Variants in BEAN1 observed in about 807,000 individuals in gnomAD.
BEAN1 encodes the protein protein BEAN1.
In BEAN1, 17 loss-of-function variants were observed where a neutral mutation model predicts 17.7. That is an observed-to-expected ratio of 0.96 (90% CI 0.66 to 1.44). The LOEUF is 1.44. BEAN1 is among the 40% of genes most tolerant of loss of function. The pLI is 0.00. For missense variants in BEAN1, 359 were observed against 374.1 expected (o/e 0.96, Z 0.33); for synonymous variants, 142 against 151.8 (o/e 0.94, Z 0.47).
chr16:66,437,455 C>T (rs1361079314), intron 1 of BEAN1, 140 bp from the exon 2 acceptor site: 2 of 585,520 alleles, frequency 3.4e-6, no homozygotes, highest in Non-Finnish European at 6.0e-6. Flanking sequence ...AGCCCCTTGC[C>T]CAGACTAGGC....
intron 3 of BEAN1, chr16:66,475,993 C>A (rs959301904): frequency 6.6e-6 from 1 of 151,914 alleles, no homozygotes; most frequent in Non-Finnish European, 1.5e-5. Context: ...GCCTGTAGTC[C>A]CAGCTACTCG....
At chr16:66,439,050 C>G (rs554311474) in intron 2 of BEAN1, among the ~76,000 whole-genome samples, 31 of 152,116 alleles carry the variant, frequency 2.0e-4, no homozygotes, top group Non-Finnish European at 3.5e-4. Context: ...AAAGTCGAAG[C>G]CTTATTGTTA....
chr16:66,465,317 A>C (rs1354703470), intron 2 of BEAN1, among the ~76,000 whole-genome samples: 1 of 152,008 alleles, frequency 6.6e-6, no homozygotes, highest in Non-Finnish European at 1.5e-5. Flanking sequence ...GGATTTTTGC[A>C]CCTATATTCC....
At chr16:66,445,320 CA>C (rs1458888946) in intron 2 of BEAN1, among the ~76,000 whole-genome samples, 7 of 151,292 alleles carry the variant, frequency 4.6e-5, no homozygotes, top group African/African-American at 1.7e-4. Flanking sequence ...ACTAAAAATA[CA>C]AAAAATTAGC....
Position 66,477,730 on chromosome 16 carries a change from A to G in BEAN1, c.440+20A>G, listed in dbSNP as rs1963812274. 1 of 1,527,930 alleles carries G rather than the reference A, an allele frequency of 6.5e-7. No homozygotes were observed. The highest frequency in any genetic ancestry group is 2.1e-5 in the Admixed American group (1 of 47,578). 94.6% of individuals were successfully genotyped at this position (1,527,930 alleles called of 1,614,324 possible). A position where few individuals can be genotyped will look rare whatever the true frequency, so the allele number is the denominator to read the frequency against. ...ACCAGGGTAAGGAGGCCTCATGGGG[A>G]AGGGGGCATCAGAGGATGGGGCCCT... is the stretch of plus-strand genomic sequence containing the variant. On this transcript the variant is annotated intron_variant, in intron 4 of 4. Transcript: ENST00000536005.
At chr16:66,435,514 G>T (rs936112209) in intron 1 of BEAN1, among the ~76,000 whole-genome samples, 3 of 152,156 alleles carry the variant, frequency 2.0e-5, no homozygotes, top group African/African-American at 7.2e-5. Flanking sequence ...TTGAGATAAA[G>T]TCTCACTCTG....
At position 66,442,662 on chromosome 16, in the gene BEAN1, A is replaced by AG. The variant is rs112575133; in HGVS notation, c.25+4962dup. 7.6e-3 allele frequency among the ~76,000 whole-genome samples: 1,162 copies of AG among 152,340 alleles called. 14 individuals are homozygous for AG. Among genetic ancestry groups the AG allele is most frequent in the African/African-American group, 0.024 (1,013 of 41,572 alleles). On this transcript the variant is annotated intron_variant, in intron 2 of 4. Transcript: ENST00000536005. ...CTGCTTCTTATCAGCTGGGGCAAGC[A>AG]GCCTAATTTCTAAAAACCTCAATTT...
chr16:66,479,921 T>C (rs1963920025), intron 4 of BEAN1, among the ~76,000 whole-genome samples: 1 of 152,078 alleles, frequency 6.6e-6, no homozygotes, highest in Admixed American at 6.5e-5. Flanking sequence ...TCTGGAGGGC[T>C]TTTGTTCCTC....
At chr16:66,454,493 T>G (rs1962791563) in intron 2 of BEAN1, among the ~76,000 whole-genome samples, 1 of 152,204 alleles carries the variant, frequency 6.6e-6, no homozygotes, top group Admixed American at 6.5e-5. Context: ...TCTTTGTCTC[T>G]AGAAATATAT....
intron 1 of BEAN1, among the ~76,000 whole-genome samples, chr16:66,431,097 T>C (rs1224119843): frequency 1.3e-5 from 2 of 152,210 alleles, no homozygotes; most frequent in Non-Finnish European, 2.9e-5. Flanking sequence ...GTGAGTTCAA[T>C]GACAAGTAAA....
intron 1 of BEAN1, among the ~76,000 whole-genome samples, chr16:66,431,432 A>G (rs1403943882): frequency 1.3e-5 from 2 of 152,220 alleles, no homozygotes; most frequent in African/African-American, 2.4e-5. Flanking sequence ...AAAGTCATAC[A>G]TGTTCATTGT....
Position 66,473,116 on chromosome 16 carries a change from A to G in BEAN1, c.289+3251A>G, listed in dbSNP as rs1307140143. Among the ~76,000 whole-genome samples, 1 of 152,218 alleles carries G rather than the reference A, an allele frequency of 6.6e-6. No homozygotes were observed. The highest frequency in any genetic ancestry group is 1.5e-5 in the Non-Finnish European group (1 of 68,048). ...GGAGTGCACGCTAGGCGCCCACAGT[A>G]GTTCCCAAGCTGAGAGGGCTGAGGG... On this transcript the variant is annotated intron_variant, in intron 3 of 4. Transcript: ENST00000536005. The surrounding 1 kb of genome is among the most constrained non-coding windows in gnomAD (Gnocchi z 4.5).
intron 3 of BEAN1, among the ~76,000 whole-genome samples, chr16:66,474,104 C>T (rs985825381): frequency 2.0e-5 from 3 of 152,156 alleles, no homozygotes; most frequent in Non-Finnish European, 4.4e-5. Flanking sequence ...GGCCTGATTT[C>T]CTACTTCCTA....
intron 4 of BEAN1, among the ~76,000 whole-genome samples, 183 bp from the exon 5 acceptor site, chr16:66,480,403 G>A (rs1294382484): frequency 6.6e-6 from 1 of 152,168 alleles, no homozygotes; most frequent in African/African-American, 2.4e-5. Context: ...CAGGTCCCAG[G>A]GTTCTGAGGT....
chr16:66,433,378 C>T (rs1961881469), intron 1 of BEAN1, among the ~76,000 whole-genome samples: 1 of 152,212 alleles, frequency 6.6e-6, no homozygotes, highest in Non-Finnish European at 1.5e-5. Flanking sequence ...TCTCAAAGTG[C>T]TGGGATTACA....
intron 3 of BEAN1, among the ~76,000 whole-genome samples, chr16:66,474,279 A>C (rs1466246244): frequency 6.6e-6 from 1 of 151,932 alleles, no homozygotes; most frequent in Non-Finnish European, 1.5e-5. Flanking sequence ...TATTTTCATC[A>C]TCTCTTTCTC....
At chr16:66,489,127 G>A (rs922029323) in intron 4 of BEAN1, among the ~76,000 whole-genome samples, 5 of 151,574 alleles carry the variant, frequency 3.3e-5, no homozygotes, top group African/African-American at 1.2e-4. Flanking sequence ...AGCCGAGACT[G>A]CACTGTTGTA....
At chr16:66,446,082 C>T (rs2142391969) in intron 2 of BEAN1, among the ~76,000 whole-genome samples, 1 of 152,222 alleles carries the variant, frequency 6.6e-6, no homozygotes, top group South Asian at 2.1e-4. Flanking sequence ...ACTCGGGAGG[C>T]TGAGGCATGA....
In BEAN1 at chr16:66,488,518, C is replaced by CAAAA. The variant is rs35976761; in HGVS notation, c.148-4425_148-4422dup. 9.4e-3 allele frequency among the ~76,000 whole-genome samples: 462 copies of CAAAA among 49,132 alleles called. 3 individuals are homozygous for CAAAA. The highest frequency in any genetic ancestry group is 0.02 in the African/African-American group (277 of 13,838). 32.2% of individuals were successfully genotyped at this position (49,132 alleles called of 152,430 possible). A position where few individuals can be genotyped will look rare whatever the true frequency, so the allele number is the denominator to read the frequency against. On this transcript the variant is annotated intron_variant, in intron 4 of 4. Transcript: ENST00000561796. The stretch of plus-strand genomic sequence containing the variant: ...CAACATAGTGAGACCTTATCACTAC[C>CAAAA]AAAAAAAAAAAAAAAAAAAAAACTG...
Sources: allele counts gnomAD v4.1 joint callset (sites outside exome capture counted in the v4.1 genomes callset), GRCh38; gene constraint gnomAD v4.1.1; non-coding constraint Gnocchi (gnomAD v3.1); transcripts MANE v1.5; gene names NCBI Gene and HGNC (gene_info 2026-07-23, HGNC 2026-07-21).